DOCK2: variants seen among roughly 807,000 people sequenced by gnomAD.
DOCK2 encodes the protein dedicator of cytokinesis protein 2.
A neutral mutation model predicts 248.9 loss-of-function variants in DOCK2; 87 were observed. The observed-to-expected ratio is 0.35, with a 90% CI of 0.29 to 0.42. The LOEUF (loss-of-function observed/expected upper bound fraction) is 0.42, where lower values mean the gene tolerates loss of function less well. DOCK2 is among the 10% of genes least tolerant of loss of function. The pLI is 1.00. For synonymous variants in DOCK2, 805 were observed against 821.6 expected (o/e 0.98, Z 0.35); for missense variants, 1,747 against 2,300.2 (o/e 0.76, Z 4.92).
intron 32 of DOCK2, among the ~76,000 whole-genome samples, chr5:170,010,311 C>G (rs1755236885): frequency 6.6e-6 from 1 of 152,162 alleles, no homozygotes; most frequent in Non-Finnish European, 1.5e-5. Flanking sequence ...CTTTCTCAGT[C>G]TATCTTTTGT....
intron 21 of DOCK2, among the ~76,000 whole-genome samples, chr5:169,718,343 A>G (rs550093085): frequency 6.6e-6 from 1 of 152,316 alleles, no homozygotes; most frequent in East Asian, 1.9e-4. Flanking sequence ...AAAAGTTGAA[A>G]AAAAAGACAT....
At chr5:169,674,591 G>A (rs565477115) in intron 6 of DOCK2, 146 bp downstream of exon 6, 139 of 1,273,976 alleles carry the variant, frequency 1.1e-4, no homozygotes, top group Admixed American at 1.9e-4. Context: ...CTGTGCTTGC[G>A]TGCCGTTGTT....
intron 27 of DOCK2, among the ~76,000 whole-genome samples, chr5:169,939,017 C>T (rs897590018): frequency 1.3e-5 from 2 of 151,582 alleles, no homozygotes; most frequent in African/African-American, 4.9e-5. Flanking sequence ...CATTCTCCTA[C>T]CTTAGCCTCG....
chr5:169,925,737 G>A (rs995606623), intron 27 of DOCK2, among the ~76,000 whole-genome samples: 1 of 151,584 alleles, frequency 6.6e-6, no homozygotes, highest in Non-Finnish European at 1.5e-5. Context: ...GTTGTGTGTT[G>A]GGAGCATTAA....
intron 25 of DOCK2, among the ~76,000 whole-genome samples, chr5:169,781,216 C>T (rs1015930166): frequency 2.0e-5 from 3 of 152,222 alleles, no homozygotes; most frequent in East Asian, 1.9e-4. Context: ...AGAAAATCCA[C>T]ATAGAAATGG....
intron 25 of DOCK2, among the ~76,000 whole-genome samples, chr5:169,765,505 T>C (rs1033154002): frequency 5.9e-5 from 9 of 152,334 alleles, no homozygotes; most frequent in Admixed American, 1.3e-4. Context: ...AAGAGGAGTC[T>C]AGAAGAAAAG....
intron 27 of DOCK2, among the ~76,000 whole-genome samples, chr5:169,849,656 G>T (rs1192905837): frequency 6.6e-6 from 1 of 152,218 alleles, no homozygotes; most frequent in South Asian, 2.1e-4. Context: ...CTTAGAAAGA[G>T]AACTTTTTCT....
intron 2 of DOCK2, among the ~76,000 whole-genome samples, chr5:169,656,431 C>A (rs995150284): frequency 1.3e-5 from 2 of 151,864 alleles, no homozygotes; most frequent in African/African-American, 4.8e-5. Flanking sequence ...TCAACTGATT[C>A]TTGCGCCTCA....
intron 27 of DOCK2, among the ~76,000 whole-genome samples, chr5:169,864,798 A>G (rs867880792): frequency 6.6e-6 from 1 of 152,132 alleles, no homozygotes; most frequent in African/African-American, 2.4e-5. Context: ...CTGTCTCATT[A>G]TTAAAAAATT....
At chr5:169,696,993 G>A (rs1012270645) in intron 10 of DOCK2, among the ~76,000 whole-genome samples, 2 of 152,018 alleles carry the variant, frequency 1.3e-5, no homozygotes, top group South Asian at 4.2e-4. Context: ...ACTTGTGGGG[G>A]CATTTCTGAC....
intron 27 of DOCK2, among the ~76,000 whole-genome samples, chr5:169,914,416 G>C (rs1203333776): frequency 6.6e-6 from 1 of 152,162 alleles, no homozygotes; most frequent in Admixed American, 6.5e-5. Context: ...TGCTCTTGGG[G>C]AATATCCGTG....
chr5:170,067,238 A>G (rs764385548), intron 44 of DOCK2, among the ~76,000 whole-genome samples: 74 of 152,092 alleles, frequency 4.9e-4, no homozygotes, highest in Non-Finnish European at 9.0e-4. Context: ...AAGAAGAGAA[A>G]ACCTTCTCTG....
chr5:169,840,842 A>G lies in DOCK2; in HGVS notation c.2789A>G (p.His930Arg), dbSNP rs1209214064. The change falls in exon 27 of 52, where the codon CAC (histidine) becomes CGC (arginine). Residue 930 changes from histidine to arginine, a missense_variant. Coordinates refer to ENST00000520908, the MANE Select transcript of DOCK2 (RefSeq NM_004946.3). ...NRTVITMGRD[H>R]ILISHFVACM... ...ACAGTCATCACCATGGGCCGGGATCACATTCTGATTGTGAGTGGATTATTT... is the reference window on the plus strand; with the variant it reads ...ACAGTCATCACCATGGGCCGGGATCGCATTCTGATTGTGAGTGGATTATTT... 1.2e-6 allele frequency: 2 copies of G among 1,613,780 alleles called. No individual in the cohort carries two copies. Among genetic ancestry groups the G allele is most frequent in the African/African-American group, 2.7e-5 (2 of 74,916 alleles).
chr5:170,014,335 G>A (rs1755427848), intron 32 of DOCK2, among the ~76,000 whole-genome samples: 1 of 152,082 alleles, frequency 6.6e-6, no homozygotes, highest in African/African-American at 2.4e-5. Context: ...TAGGATACAA[G>A]CCTTCTAATT....
At chr5:170,044,787 C>T (rs562988024) in intron 38 of DOCK2, among the ~76,000 whole-genome samples, 10 of 152,316 alleles carry the variant, frequency 6.6e-5, no homozygotes, top group Non-Finnish European at 1.0e-4. Context: ...ACACAGCTCA[C>T]ACTGCATTTT....
chr5:169,677,014 G>C (rs558748382), intron 6 of DOCK2, among the ~76,000 whole-genome samples: 1 of 152,172 alleles, frequency 6.6e-6, no homozygotes, highest in African/African-American at 2.4e-5. Flanking sequence ...TATGAGGTAG[G>C]CACTATTCTC....
chr5:169,801,176 T>G (rs75186457), intron 25 of DOCK2, among the ~76,000 whole-genome samples: 26,204 of 117,224 alleles, frequency 0.22, 4,914 homozygotes, highest in African/African-American at 0.49. Flanking sequence ...TTTTTTTTTT[T>G]TTTTTAGTAG....
intron 27 of DOCK2, among the ~76,000 whole-genome samples, chr5:169,880,491 G>A (rs1467302749): frequency 6.6e-6 from 1 of 152,174 alleles, no homozygotes; most frequent in African/African-American, 2.4e-5. Flanking sequence ...GTTCACTTTG[G>A]TCAACAAAAT....
chr5:169,865,123 T>C (rs1317449355), intron 27 of DOCK2, among the ~76,000 whole-genome samples: 1 of 152,262 alleles, frequency 6.6e-6, no homozygotes, highest in Non-Finnish European at 1.5e-5. Context: ...GTAGTATTCC[T>C]CAATACAGTG....
Sources: allele counts gnomAD v4.1 joint callset (sites outside exome capture counted in the v4.1 genomes callset), GRCh38; gene constraint gnomAD v4.1.1; transcripts MANE v1.5; gene names NCBI Gene and HGNC (gene_info 2026-07-23, HGNC 2026-07-21).